The following NAV3 variants were observed in gnomAD, a reference collection of about 807,000 sequenced individuals.
The protein encoded by NAV3 is neuron navigator 3.
Under a neutral mutation model 244.7 loss-of-function variants are expected in NAV3, and 87 were observed. That is an observed-to-expected ratio of 0.36 (90% confidence interval 0.30 to 0.42). The LOEUF (loss-of-function observed/expected upper bound fraction) is 0.42, where lower values mean the gene tolerates loss of function less well. Among genes scored for constraint, NAV3 ranks in the 20% least tolerant of loss-of-function variants. NAV3 has a pLI of 1.00. For missense variants in NAV3, 2,663 were observed against 2,893.3 expected (o/e 0.92, Z 1.83); for synonymous variants, 1,126 against 1,042.2 (o/e 1.08, Z -1.55).
At chr12:77,760,795 T>C (rs540771253) in intron 2 of NAV3, among the ~76,000 whole-genome samples, 2 of 152,196 alleles carry the variant, frequency 1.3e-5, no homozygotes, top group African/African-American at 2.4e-5. Flanking sequence ...TTCAAAACTT[T>C]TATCAAGCTC....
chr12:77,724,360 C>G (rs74738261), intron 2 of NAV3, among the ~76,000 whole-genome samples: 2,061 of 151,920 alleles, frequency 0.014, 24 homozygotes, highest in Non-Finnish European at 0.019. Context: ...ATGTTCAATT[C>G]TAGAAGGAAA....
intron 2 of NAV3, among the ~76,000 whole-genome samples, chr12:77,791,420 A>C (rs1213248007): frequency 1.3e-5 from 2 of 151,922 alleles, no homozygotes; most frequent in Admixed American, 6.6e-5. Context: ...AATCTTATGG[A>C]TAGGCCCTAA....
intron 5 of NAV3, among the ~76,000 whole-genome samples, chr12:77,977,740 A>T (rs948779258): frequency 2.8e-4 from 41 of 145,600 alleles, no homozygotes; most frequent in African/African-American, 6.3e-4. Context: ...ACACACACAC[A>T]CTCTCTTCAG....
intron 1 of NAV3, among the ~76,000 whole-genome samples, chr12:77,889,128 T>G (rs117584476): frequency 6.6e-6 from 1 of 152,304 alleles, no homozygotes; most frequent in Non-Finnish European, 1.5e-5. Flanking sequence ...ATTTTGGGTG[T>G]GTATATGAAG....
intron 18 of NAV3, among the ~76,000 whole-genome samples, chr12:78,136,452 A>G (rs972138950): frequency 6.6e-6 from 1 of 152,208 alleles, no homozygotes; most frequent in Non-Finnish European, 1.5e-5. Flanking sequence ...ATAAGAAAAT[A>G]AATTGTTATT....
At chr12:78,200,229 G>A (rs1243010418) in intron 37 of NAV3, among the ~76,000 whole-genome samples, 1 of 151,972 alleles carries the variant, frequency 6.6e-6, no homozygotes, top group African/African-American at 2.4e-5. Context: ...ACTGCATTAT[G>A]ACTTTTATCA....
intron 3 of NAV3, among the ~76,000 whole-genome samples, chr12:77,960,764 G>T (rs901942613): frequency 3.4e-5 from 5 of 146,116 alleles, no homozygotes; most frequent in Non-Finnish European, 7.5e-5. Context: ...GCATATATAT[G>T]ATATATACAT....
At chr12:78,039,479 A>G (rs1333819872) in intron 9 of NAV3, among the ~76,000 whole-genome samples, 1 of 152,146 alleles carries the variant, frequency 6.6e-6, no homozygotes, top group Non-Finnish European at 1.5e-5. Flanking sequence ...GAGGAGTTTA[A>G]AAATTTTCAT....
chr12:77,844,269 C>T (rs1479326122), intron 1 of NAV3, among the ~76,000 whole-genome samples: 1 of 152,146 alleles, frequency 6.6e-6, no homozygotes, highest in Non-Finnish European at 1.5e-5. Context: ...CATGTCTTCA[C>T]ACAGCAGAAG....
At chr12:78,055,716 A>G (rs1001923796) in intron 11 of NAV3, among the ~76,000 whole-genome samples, 1 of 152,202 alleles carries the variant, frequency 6.6e-6, no homozygotes, top group African/African-American at 2.4e-5. Flanking sequence ...TTTTGTATGT[A>G]TCAGGCCTGG....
intron 2 of NAV3, among the ~76,000 whole-genome samples, chr12:77,798,131 C>T (rs909609404): frequency 6.6e-6 from 1 of 151,306 alleles, no homozygotes; most frequent in Non-Finnish European, 1.5e-5. Flanking sequence ...CACTGCACTC[C>T]CTCCTGGGCC....
Position 77,930,622 on chromosome 12 carries a change from T to G in NAV3, c.244-9697T>G, listed in dbSNP as rs539483492. Among the ~76,000 whole-genome samples, 363 of 152,342 alleles carry G rather than the reference T, an allele frequency of 2.4e-3. 2 individuals are homozygous for G. The highest frequency in any genetic ancestry group is 8.1e-3 in the African/African-American group (337 of 41,584). On this transcript the variant is annotated intron_variant, in intron 1 of 39. Transcript: ENST00000397909. ...TAGATCTGTTACATAGCAGTTACAC[T>G]GAACTTTCCTTATCATCAGCTGAAA...
At chr12:77,841,852 G>T (rs143107961) in intron 1 of NAV3, among the ~76,000 whole-genome samples, 26 of 152,260 alleles carry the variant, frequency 1.7e-4, no homozygotes, top group African/African-American at 5.8e-4. Context: ...AGAGAAAATG[G>T]AGGATTGCAT....
At position 77,819,886 on chromosome 12, in the gene NAV3, G is replaced by T. The variant is rs565746988; in HGVS notation, c.73-120433G>T. The stretch of plus-strand genomic sequence containing the variant: ...GTGGTTCGTAAAACCAATAAGCAGG[G>T]TATATGCAAGAAAGAGCTCGGCAAC... On this transcript the variant is annotated intron_variant, in intron 2 of 8. Transcript: ENST00000550042. Among the ~76,000 whole-genome samples, 4 of 152,238 alleles carry T rather than the reference G, an allele frequency of 2.6e-5. No homozygotes were observed. The South Asian group carries it at 6.2e-4, about 24-fold the overall frequency.
At chr12:78,017,856 A>T (rs1270581232) in intron 8 of NAV3, among the ~76,000 whole-genome samples, 3 of 152,144 alleles carry the variant, frequency 2.0e-5, no homozygotes, top group Non-Finnish European at 2.9e-5. Flanking sequence ...CATTTGCATA[A>T]AAGGTACATC....
intron 23 of NAV3, among the ~76,000 whole-genome samples, chr12:78,165,968 C>A (rs200645451): frequency 2.1e-4 from 31 of 144,310 alleles, no homozygotes; most frequent in African/African-American, 1.5e-4. Context: ...CACCCTCCTG[C>A]AAAAAAAAAA....
chr12:77,865,521 A>G (rs2136381856), intron 1 of NAV3, among the ~76,000 whole-genome samples: 1 of 152,126 alleles, frequency 6.6e-6, no homozygotes, highest in East Asian at 1.9e-4. Flanking sequence ...TTAATGTTTA[A>G]CCCCTTTGAA....
intron 2 of NAV3, among the ~76,000 whole-genome samples, chr12:77,686,951 G>A (rs1874781102): frequency 6.6e-6 from 1 of 151,944 alleles, no homozygotes; most frequent in Non-Finnish European, 1.5e-5. Context: ...GCATGTCCAT[G>A]ACTCAATGCT....
intron 12 of NAV3, among the ~76,000 whole-genome samples, chr12:78,080,923 A>G (rs188196192): frequency 3.3e-4 from 50 of 152,366 alleles, no homozygotes; most frequent in African/African-American, 1.1e-3. Flanking sequence ...AACAAGTAGG[A>G]TAATTCAAAA....
Sources: gnomAD v4.1 joint callset for allele counts (sites outside exome capture counted in the v4.1 genomes callset) on GRCh38, gnomAD v4.1.1 for gene constraint, MANE v1.5 for transcripts, NCBI Gene and HGNC (gene_info 2026-07-23, HGNC 2026-07-21) for gene names.